The following PLPP4 variants were observed in gnomAD, a reference collection of about 807,000 sequenced individuals.
The protein encoded by PLPP4 is diacylglycerol pyrophosphate like 2.
Under a neutral mutation model 32.2 loss-of-function variants are expected in PLPP4, and 20 were observed. The observed-to-expected ratio is 0.62, with a 90% confidence interval of 0.44 to 0.90. The LOEUF (loss-of-function observed/expected upper bound fraction) is 0.90. Among genes scored for constraint, PLPP4 ranks in the 40% least tolerant of loss-of-function variants. The pLI, the probability that PLPP4 is intolerant of heterozygous loss-of-function variation, is 0.00. For synonymous variants in PLPP4, 127 were observed against 133.0 expected (o/e 0.95, Z 0.31); for missense variants, 257 against 353.1 (o/e 0.73, Z 2.18).
rs552791955 is a variant in PLPP4 at position 120,550,580 on chromosome 10, A to G, written c.446-24551A>G. On this transcript the variant is annotated intron_variant, in intron 5 of 6. Transcript: ENST00000398250. Reference sequence around the variant, plus strand: ...CCAATGTGGTTAAGGACAGATAAATAGATCAATAAAACAGAATAGAGTCAA... The same window carrying G: ...CCAATGTGGTTAAGGACAGATAAATGGATCAATAAAACAGAATAGAGTCAA... Among the ~76,000 whole-genome samples the G allele has an allele frequency of 3.9e-5, 6 of 152,086 alleles. No individual in the cohort carries two copies. In the South Asian group the frequency reaches 1.2e-3, roughly 32 times the overall value.
rs765304771 is a variant in PLPP4 at position 120,503,798 on chromosome 10, C to T, written c.57-20C>T. 1.4e-5 allele frequency: 23 copies of T among 1,605,372 alleles called. No individual in the cohort carries two copies. The South Asian group carries it at 2.5e-4, about 18-fold the overall frequency. On this transcript the variant is annotated intron_variant, in intron 1 of 6. Transcript: ENST00000398250. ...CAACAGAACGCTCAACCTTCATGTA[C>T]TTTTCTTTTTATGTTTCAGTTTTAC...
intron 1 of PLPP4, among the ~76,000 whole-genome samples, chr10:120,468,153 T>G (rs150301658): frequency 0.021 from 1,342 of 65,272 alleles, 430 homozygotes; most frequent in African/African-American, 0.042. Flanking sequence ...GGCATTTAGG[T>G]TGATTCCATG....
chr10:120,470,929 T>A (rs556874362), intron 1 of PLPP4, among the ~76,000 whole-genome samples: 2 of 152,294 alleles, frequency 1.3e-5, no homozygotes, highest in African/African-American at 4.8e-5. Flanking sequence ...TCCTAACCTT[T>A]AAGCCAGATA....
intron 5 of PLPP4, among the ~76,000 whole-genome samples, chr10:120,523,488 GA>G (rs1218723677): frequency 6.6e-6 from 1 of 152,038 alleles, no homozygotes; most frequent in African/African-American, 2.4e-5. Flanking sequence ...CTTCTGTATT[GA>G]TTTTTTGTCT....
At chr10:120,578,311 G>A (rs1171738133) in intron 6 of PLPP4, among the ~76,000 whole-genome samples, 1 of 152,206 alleles carries the variant, frequency 6.6e-6, no homozygotes, top group Admixed American at 6.5e-5. Flanking sequence ...GTTTCAGGCA[G>A]GATGCCTGAT....
chr10:120,575,750 G>A (rs569886753), intron 6 of PLPP4, among the ~76,000 whole-genome samples: 2 of 152,268 alleles, frequency 1.3e-5, no homozygotes, highest in South Asian at 4.1e-4. Context: ...ATTCATTCCA[G>A]TAATGCTCCA....
intron 1 of PLPP4, among the ~76,000 whole-genome samples, chr10:120,463,247 C>T (rs867069819): frequency 2.0e-5 from 3 of 152,054 alleles, no homozygotes; most frequent in East Asian, 1.9e-4. Context: ...AGGATGGTCT[C>T]GATCTCCTGA....
intron 6 of PLPP4, among the ~76,000 whole-genome samples, chr10:120,586,144 T>C (rs1849745182): frequency 6.6e-6 from 1 of 151,704 alleles, no homozygotes; most frequent in Non-Finnish European, 1.5e-5. Context: ...TCTTTTTTTT[T>C]TTTTTAAAGA....
intron 1 of PLPP4, among the ~76,000 whole-genome samples, chr10:120,483,073 A>G (rs1844284366): frequency 6.6e-6 from 1 of 152,202 alleles, no homozygotes; most frequent in African/African-American, 2.4e-5. Flanking sequence ...ACTTGACTTG[A>G]TGAGTCTTTC....
At chr10:120,496,955 A>T (rs1844996116) in intron 1 of PLPP4, among the ~76,000 whole-genome samples, 1 of 150,820 alleles carries the variant, frequency 6.6e-6, no homozygotes, top group Non-Finnish European at 1.5e-5. Flanking sequence ...AGGTGAGCAT[A>T]TGTGAGTGTA....
intron 5 of PLPP4, among the ~76,000 whole-genome samples, chr10:120,534,885 G>T (rs1846936592): frequency 6.6e-6 from 1 of 152,038 alleles, no homozygotes; most frequent in Non-Finnish European, 1.5e-5. Context: ...CTTTCCTTTA[G>T]TTCTCTGAAG....
At chr10:120,481,144 A>G (rs955241832) in intron 1 of PLPP4, among the ~76,000 whole-genome samples, 2 of 152,224 alleles carry the variant, frequency 1.3e-5, no homozygotes, top group African/African-American at 4.8e-5. Flanking sequence ...TTCCTGGAGC[A>G]TGGGGTGGAG....
intron 5 of PLPP4, among the ~76,000 whole-genome samples, chr10:120,559,588 G>T (rs1004990409): frequency 6.6e-6 from 1 of 151,524 alleles, no homozygotes; most frequent in Non-Finnish European, 1.5e-5. Flanking sequence ...AACAACACAG[G>T]TTTGAACTGT....
chr10:120,486,936 C>T (rs922266382), intron 1 of PLPP4, among the ~76,000 whole-genome samples: 2 of 152,176 alleles, frequency 1.3e-5, no homozygotes, highest in African/African-American at 4.8e-5. Context: ...AGACATGAGC[C>T]CTTGCTTATT....
chr10:120,557,927 G>A (rs182417184), intron 5 of PLPP4, among the ~76,000 whole-genome samples: 2 of 152,050 alleles, frequency 1.3e-5, no homozygotes, highest in Admixed American at 6.5e-5. Flanking sequence ...CCATACCACA[G>A]TTGTTTAACA....
intron 1 of PLPP4, among the ~76,000 whole-genome samples, chr10:120,478,517 C>T (rs1209340369): frequency 6.6e-6 from 1 of 152,156 alleles, no homozygotes; most frequent in Non-Finnish European, 1.5e-5. Context: ...TTATATGATA[C>T]ACAGAGAAAA....
chr10:120,463,367 T>C (rs1848161833), intron 1 of PLPP4, among the ~76,000 whole-genome samples: 1 of 152,208 alleles, frequency 6.6e-6, no homozygotes, highest in African/African-American at 2.4e-5. Flanking sequence ...CAAAGAGCTA[T>C]AACAAAAGAC....
At chr10:120,510,434 G>A (rs1845677733) in intron 2 of PLPP4, among the ~76,000 whole-genome samples, 1 of 152,128 alleles carries the variant, frequency 6.6e-6, no homozygotes, top group African/African-American at 2.4e-5. Context: ...AATACCAAGG[G>A]AGACTTTGCT....
intron 5 of PLPP4, among the ~76,000 whole-genome samples, chr10:120,573,761 C>T (rs1049224018): frequency 6.6e-6 from 1 of 152,114 alleles, no homozygotes; most frequent in Non-Finnish European, 1.5e-5. Context: ...AAGGCTTCTC[C>T]AAGTGCAGTG....
Sources: allele counts gnomAD v4.1 joint callset (sites outside exome capture counted in the v4.1 genomes callset), GRCh38; gene constraint gnomAD v4.1.1; transcripts MANE v1.5; gene names NCBI Gene and HGNC (gene_info 2026-07-23, HGNC 2026-07-21).